Variants in ULK1 observed in about 807,000 individuals in gnomAD.
The protein encoded by ULK1 is serine/threonine-protein kinase ULK1.
A neutral mutation model predicts 117.5 loss-of-function variants in ULK1; 48 were observed. The observed-to-expected ratio is 0.41, with a 90% CI of 0.32 to 0.52. The LOEUF (loss-of-function observed/expected upper bound fraction) is 0.52. Among genes scored for constraint, ULK1 ranks in the 20% least tolerant of loss-of-function variants. The probability of loss-of-function intolerance (pLI) is 0.29; values close to 1 mark genes in which losing one functional copy is unlikely to be tolerated. For missense variants in ULK1, 1,387 were observed against 1,473.4 expected, an observed-to-expected ratio of 0.94 and a Z score of 0.96; for synonymous variants, 790 against 637.8, an observed-to-expected ratio of 1.24 and a Z score of -3.60.
chr12:131,907,381 G>A (rs1409989625), intron 4 of ULK1, 114 bp from the exon 5 acceptor site: 8 of 1,371,848 alleles, frequency 5.8e-6, no homozygotes, highest in African/African-American at 1.4e-5. Flanking sequence ...GGCTGGGCAG[G>A]TGCCTGCGGG....
rs754290846 is a variant in ULK1, at chr12:131,914,441, G to A, written c.1337G>A (p.Arg446Gln). ...TQVQNYQRIE[R>Q]NLQSPTQFQT... ...GTGCAGAACTACCAGCGCATTGAGC[G>A]AAACCTGCAGTCACCCACCCAGTTC... The change falls in exon 16 of 28, where the codon CGA becomes CAA. Residue 446 changes from arginine to glutamine, a missense_variant. Physicochemically the swap from Arg to Gln is conservative, Grantham distance 43. Transcript: ENST00000321867. The A allele has an allele frequency of 2.0e-5, 32 of 1,612,618 alleles. No homozygotes were observed. The highest frequency in any genetic ancestry group is 1.6e-4 in the Middle Eastern group (1 of 6,082).
chr12:131,910,244 C>T lies in ULK1; in HGVS notation c.809-10C>T, dbSNP rs749126251. 5.0e-6 allele frequency: 8 copies of T among 1,613,508 alleles called. No homozygotes were observed. The Admixed American group carries it at 1.0e-4, about 20-fold the overall frequency. The stretch of plus-strand genomic sequence containing the variant: ...TCCTCCTGAGGCCTCACTCCTCCTT[C>T]CTCCTGCAGATGAGTTTTTTCATCA... On this transcript the variant is annotated splice_polypyrimidine_tract_variant and intron_variant, in intron 10 of 27. Coordinates refer to ENST00000321867, the MANE Select transcript of ULK1 (RefSeq NM_003565.4).
intron 3 of ULK1, among the ~76,000 whole-genome samples, chr12:131,901,370 G>T (rs1210591996): frequency 6.7e-6 from 1 of 149,812 alleles, no homozygotes; most frequent in Non-Finnish European, 1.5e-5. Flanking sequence ...AAAAAAAAAA[G>T]AAAAAAATCA....
At position 131,917,453 on chromosome 12, in the gene ULK1, G is replaced by T. The variant is rs538260523; in HGVS notation, c.2225G>T (p.Arg742Leu). 2 of 1,532,636 alleles carry T rather than the reference G, an allele frequency of 1.3e-6. No homozygotes were observed. Among genetic ancestry groups the T allele is most frequent in the Admixed American group, 2.0e-5 (1 of 49,408 alleles). The allele number at this position is 1,532,636 out of a possible 1,614,324, so 94.9% of individuals were successfully genotyped here. A position where few individuals can be genotyped will look rare whatever the true frequency, so the allele number is the denominator to read the frequency against. ...GFGGSLHPGARAGGTSSPSPV... is the reference protein window; with the variant it reads ...GFGGSLHPGALAGGTSSPSPV... ...GGAGGGAGCCTGCACCCAGGAGCCCGTGCTGGGGGCACCAGCAGCCCTTCC... is the reference window on the plus strand; with the variant it reads ...GGAGGGAGCCTGCACCCAGGAGCCCTTGCTGGGGGCACCAGCAGCCCTTCC... Residue 742 changes from arginine to leucine, a missense_variant, in exon 22 of 28, where the codon CGT becomes CTT. By Grantham distance (102) the Arg-to-Leu change is moderately radical. Coordinates refer to ENST00000321867, the MANE Select transcript of ULK1 (RefSeq NM_003565.4).
intron 17 of ULK1, 37 bp downstream of exon 17, chr12:131,915,268 G>A (rs1889723348): frequency 6.2e-7 from 1 of 1,608,168 alleles, no homozygotes; most frequent in African/African-American, 1.3e-5. Flanking sequence ...AGGGGCGTCT[G>A]TAGGCAGTGG....
chr12:131,908,558 G>T, intron 5 of ULK1, 86 bp from the exon 6 acceptor site: 1 of 1,392,362 alleles, frequency 7.2e-7, no homozygotes, highest in Non-Finnish European at 9.3e-7. Context: ...CTCTCCATCC[G>T]TGTGGCGGGA....
Position 131,911,925 on chromosome 12 carries a change from C to T in ULK1, c.949-17C>T, listed in dbSNP as rs1593268186. 1.2e-6 allele frequency: 2 copies of T among 1,612,610 alleles called. No individual in the cohort carries two copies. The highest frequency in any genetic ancestry group is 1.7e-6 in the Non-Finnish European group (2 of 1,179,878). On this transcript the variant is annotated splice_polypyrimidine_tract_variant and intron_variant, in intron 12 of 27. Coordinates refer to ENST00000321867, the MANE Select transcript of ULK1 (RefSeq NM_003565.4). The stretch of plus-strand genomic sequence containing the variant: ...GGTCCCTGAGACCTGCTCACCAGCC[C>T]CTCCGTTGACTCTCAGTCCCTGGGC...
rs537250815 is a variant in ULK1, at chr12:131,916,406, C to T, written c.1887C>T (p.Pro629=). The T allele has an allele frequency of 5.1e-6, 8 of 1,583,000 alleles. No individual in the cohort carries two copies. Among genetic ancestry groups the T allele is most frequent in the Admixed American group, 3.7e-5 (2 of 54,596 alleles). Residue 629 remains proline, a synonymous_variant, in exon 20 of 28, where the codon CCC becomes CCT. Transcript: ENST00000321867. ...CATCTCTGTCCTCCTAGGCTGTGCC[C>T]TCCTTTGACTTCCCGAAGACCCCCA... ...PILGSPTKAV[P]SFDFPKTPSS... is the part of the protein sequence containing the mutation.
In ULK1 at chr12:131,922,227, G is replaced by A. The variant is rs1305860723; in HGVS notation, c.*866G>A. ...GTTTAAGAATTGGTTTTGGGAGGGC[G>A]AGGACTGGGCCAGGTTAGAGGCAGA... On this transcript the variant is annotated 3_prime_UTR_variant, in exon 28 of 28. Coordinates refer to ENST00000321867, the MANE Select transcript of ULK1 (RefSeq NM_003565.4). The A allele has an allele frequency of 1.1e-5, 4 of 360,692 alleles. No individual in the cohort carries two copies. Among genetic ancestry groups the A allele is most frequent in the East Asian group, 7.4e-5 (1 of 13,550 alleles). The allele number at this position is 360,692 out of a possible 1,614,324, so 22.3% of individuals were successfully genotyped here.
intron 7 of ULK1, 55 bp from the exon 8 acceptor site, chr12:131,909,081 C>G: frequency 6.2e-7 from 1 of 1,604,510 alleles, no homozygotes; most frequent in Non-Finnish European, 8.5e-7. Context: ...CTGGCGGGCA[C>G]CTTCTGTGGT....
intron 12 of ULK1, among the ~76,000 whole-genome samples, chr12:131,911,571 G>A (rs752019772): frequency 2.6e-5 from 4 of 152,190 alleles, no homozygotes; most frequent in Non-Finnish European, 5.9e-5. Flanking sequence ...CACTGGACAC[G>A]CCTTCCATGG....
rs141575431 is a variant in ULK1 at position 131,915,383 on chromosome 12, A to T, written c.1571A>T (p.Gln524Leu). 2 of 1,612,664 alleles carry T rather than the reference A, an allele frequency of 1.2e-6. No individual in the cohort carries two copies. Among genetic ancestry groups the T allele is most frequent in the African/African-American group, 2.7e-5 (2 of 74,942 alleles). Residue 524 changes from glutamine to leucine, a missense_variant, in exon 18 of 28, where the codon CAG becomes CTG. By Grantham distance (113) the Gln-to-Leu change is moderately radical. This residue lies in a region of ULK1 where 900 missense variants were observed against 858.9 expected (regional missense o/e 1.05). Transcript: ENST00000321867. ...RPGWSGTPSP[Q>L]GAEMRGGRSP... ...GGCTGGAGCGGGACGCCCTCCCCACAGGGAGCTGAGATGCGGGGTGGCAGG... is the reference window on the plus strand; with the variant it reads ...GGCTGGAGCGGGACGCCCTCCCCACTGGGAGCTGAGATGCGGGGTGGCAGG...
At position 131,921,642 on chromosome 12, in the gene ULK1, C is replaced by T. The variant is rs1444087667; in HGVS notation, c.*281C>T. On this transcript the variant is annotated 3_prime_UTR_variant, in exon 28 of 28. Coordinates refer to ENST00000321867, the MANE Select transcript of ULK1 (RefSeq NM_003565.4). ...CTGGCTCAGCAGGCGTGGGTGCCAC[C>T]ACCCTCTAGCCCCAGGGCAGCCCCG... is the stretch of plus-strand genomic sequence containing the variant. 1 of 608,472 alleles carries T rather than the reference C, an allele frequency of 1.6e-6. No individual in the cohort carries two copies. The highest frequency in any genetic ancestry group is 1.8e-5 in the African/African-American group (1 of 54,230). The allele number at this position is 608,472 out of a possible 1,614,324, so 37.7% of individuals were successfully genotyped here.
chr12:131,917,096 A>G (rs1375039464), intron 21 of ULK1, 34 bp downstream of exon 21: 7 of 1,232,828 alleles, frequency 5.7e-6, no homozygotes, highest in South Asian at 2.9e-5. Flanking sequence ...AGGCTGTGGG[A>G]TGGGGGTCGG....
intron 12 of ULK1, 104 bp from the exon 13 acceptor site, chr12:131,911,838 C>G: frequency 6.5e-7 from 1 of 1,532,884 alleles, no homozygotes; most frequent in Non-Finnish European, 8.9e-7. Flanking sequence ...GCCCCAGCGC[C>G]CCGATCTTTA....
chr12:131,921,742 C>G lies in ULK1; in HGVS notation c.*381C>G, dbSNP rs769603905. On this transcript the variant is annotated 3_prime_UTR_variant, in exon 28 of 28. Transcript: ENST00000321867. ...CTCCTGCTTAGGGAAGGTCAGCAGG[C>G]ACTGTGCCCAGGAAGAGCCTGCGGC... The G allele has an allele frequency of 8.9e-6, 5 of 559,572 alleles. No homozygotes were observed. The highest frequency in any genetic ancestry group is 7.7e-5 in the South Asian group (5 of 65,036). The allele number at this position is 559,572 out of a possible 1,614,324, so 34.7% of individuals were successfully genotyped here. A position where few individuals can be genotyped will look rare whatever the true frequency, so the allele number is the denominator to read the frequency against.
In ULK1 at chr12:131,908,988, C is replaced by G. The variant is rs781448917; in HGVS notation, c.564+17C>G. On this transcript the variant is annotated intron_variant, in intron 7 of 27. Coordinates refer to ENST00000321867, the MANE Select transcript of ULK1 (RefSeq NM_003565.4). ...ATGTACATGGTGTGTTTACCTTGGC[C>G]GGGCTGTGCCGGGTGGGCGCCTCTC... 18 of 1,612,810 alleles carry G rather than the reference C, an allele frequency of 1.1e-5. No individual in the cohort carries two copies. Among genetic ancestry groups the G allele is most frequent in the Non-Finnish European group, 1.3e-5 (15 of 1,179,870 alleles).
At chr12:131,907,580 C>T (rs1230555782) in intron 5 of ULK1, 49 bp downstream of exon 5, 1 of 1,589,034 alleles carries the variant, frequency 6.3e-7, no homozygotes, top group African/African-American at 1.3e-5. Context: ...CCCACAGGGC[C>T]CGCACCCAGG....
At chr12:131,919,044 G>A (rs1299745311) in intron 23 of ULK1, among the ~76,000 whole-genome samples, 168 bp from the exon 24 acceptor site, 1 of 150,176 alleles carries the variant, frequency 6.7e-6, no homozygotes, top group Non-Finnish European at 1.5e-5. Context: ...CGGTGTGTGG[G>A]GTGCAGGGTG....
Sources: allele counts gnomAD v4.1 joint callset (sites outside exome capture counted in the v4.1 genomes callset), GRCh38; gene constraint gnomAD v4.1.1; regional missense constraint gnomAD v4.1.1; transcripts MANE v1.5; gene names NCBI Gene and HGNC (gene_info 2026-07-23, HGNC 2026-07-21).